Variants in LRCH1 observed in about 807,000 individuals in gnomAD.
The protein encoded by LRCH1 is leucine rich repeats and calponin homology domain containing 1.
LRCH1 carries 23 observed loss-of-function variants against 94.9 expected under a neutral mutation model. The observed-to-expected ratio is 0.24, with a 90% CI of 0.17 to 0.34. The LOEUF (loss-of-function observed/expected upper bound fraction) is 0.34, where lower values mean the gene tolerates loss of function less well. Ranked by LOEUF, LRCH1 falls within the 10% of genes least tolerant of loss-of-function variation. The pLI, the probability that LRCH1 is intolerant of heterozygous loss-of-function variation, is 1.00. For missense variants in LRCH1, 790 were observed against 945.9 expected (o/e 0.84, Z 2.16); for synonymous variants, 364 against 354.9 (o/e 1.03, Z -0.29).
chr13:46,634,815 A>C (rs2051063297), intron 1 of LRCH1, among the ~76,000 whole-genome samples: 1 of 147,306 alleles, frequency 6.8e-6, no homozygotes, highest in Non-Finnish European at 1.5e-5. Context: ...TAAATGAGTG[A>C]GTAAGTGAGC....
intron 9 of LRCH1, among the ~76,000 whole-genome samples, chr13:46,697,488 C>T (rs1318713753): frequency 1.3e-5 from 2 of 152,204 alleles, no homozygotes; most frequent in African/African-American, 4.8e-5. Flanking sequence ...CTTCCTTGGG[C>T]TTCTGAACAC....
chr13:46,680,659 CA>C (rs1251478009), intron 3 of LRCH1, among the ~76,000 whole-genome samples: 2 of 152,204 alleles, frequency 1.3e-5, no homozygotes, highest in African/African-American at 4.8e-5. Flanking sequence ...GAAGCAGTAA[CA>C]TGGCTGGAGT....
intron 2 of LRCH1, among the ~76,000 whole-genome samples, chr13:46,658,762 T>G (rs1007888606): frequency 1.3e-5 from 2 of 152,326 alleles, no homozygotes; most frequent in East Asian, 3.9e-4. Flanking sequence ...ATTACAGGCG[T>G]GAGCCACCAC....
chr13:46,731,959 G>A (rs914526495), intron 18 of LRCH1, among the ~76,000 whole-genome samples: 2 of 152,154 alleles, frequency 1.3e-5, no homozygotes, highest in Admixed American at 6.5e-5. Context: ...TGACAACTAA[G>A]AACTATCCTG....
intron 13 of LRCH1, among the ~76,000 whole-genome samples, chr13:46,710,827 CA>C (rs1872024363): frequency 6.6e-6 from 1 of 152,066 alleles, no homozygotes; most frequent in Non-Finnish European, 1.5e-5. Flanking sequence ...TAGGGAGGAT[CA>C]GGGGGTTCTT....
Position 46,553,356 on chromosome 13 carries a change from C to G in LRCH1, c.-41C>G, listed in dbSNP as rs985992264. ...CCTCGCGGGGAACGCTGTGACCCCC[C>G]CGCAGGAGCGGCGGGGCGGGGTGGG... is the stretch of plus-strand genomic sequence containing the variant. On this transcript the variant is annotated 5_prime_UTR_variant, in exon 1 of 20. Transcript: ENST00000389797. The G allele has an allele frequency of 6.7e-6, 10 of 1,493,426 alleles. No individual in the cohort carries two copies. Among genetic ancestry groups the G allele is most frequent in the Admixed American group, 2.1e-5 (1 of 47,876 alleles). 92.5% of individuals were successfully genotyped at this position (1,493,426 alleles called of 1,614,324 possible). A position where few individuals can be genotyped will look rare whatever the true frequency, so the allele number is the denominator to read the frequency against.
At position 46,686,058 on chromosome 13, in the gene LRCH1, C is replaced by T. The variant is rs753394687; in HGVS notation, c.822+17C>T. The T allele has an allele frequency of 6.5e-7, 1 of 1,536,148 alleles. No individual in the cohort carries two copies. The highest frequency in any genetic ancestry group is 1.3e-5 in the South Asian group (1 of 74,654). The stretch of plus-strand genomic sequence containing the variant: ...CCAGCACAGGTGAGGGGTCTTGCAG[C>T]AAAGCCAATGCCCCATGGGATGTGC... On this transcript the variant is annotated intron_variant, in intron 5 of 19. Transcript: ENST00000389797.
chr13:46,639,345 G>A (rs969654829), intron 1 of LRCH1, among the ~76,000 whole-genome samples: 1 of 151,992 alleles, frequency 6.6e-6, no homozygotes, highest in African/African-American at 2.4e-5. Flanking sequence ...AGCATCCTTG[G>A]GATTCATTTT....
intron 3 of LRCH1, among the ~76,000 whole-genome samples, chr13:46,679,113 C>T (rs1465785052): frequency 6.6e-6 from 1 of 152,224 alleles, no homozygotes; most frequent in African/African-American, 2.4e-5. Context: ...ATGCCAATAA[C>T]GTCCATTTTC....
intron 3 of LRCH1, chr13:46,679,779 A>C (rs2051726665): frequency 6.6e-6 from 1 of 152,298 alleles, no homozygotes; most frequent in Admixed American, 6.5e-5. Context: ...GTGCACACTC[A>C]GCCTTTATAG....
chr13:46,738,846 C>G (rs924513981), intron 19 of LRCH1, among the ~76,000 whole-genome samples: 3 of 152,128 alleles, frequency 2.0e-5, no homozygotes, highest in African/African-American at 7.2e-5. Flanking sequence ...AACTAATTTC[C>G]AAGCTATTCC....
intron 3 of LRCH1, among the ~76,000 whole-genome samples, chr13:46,672,795 A>T (rs1485258837): frequency 2.0e-5 from 3 of 152,182 alleles, no homozygotes; most frequent in Non-Finnish European, 4.4e-5. Flanking sequence ...AGGTTCTAGG[A>T]TCTTAGAGTG....
intron 1 of LRCH1, among the ~76,000 whole-genome samples, chr13:46,581,699 C>T (rs1039955905): frequency 5.9e-5 from 9 of 152,162 alleles, no homozygotes; most frequent in African/African-American, 4.8e-5. Context: ...TAATGTCCTT[C>T]GCCACTTTAT....
At chr13:46,707,772 A>G (rs889655791) in intron 13 of LRCH1, among the ~76,000 whole-genome samples, 1 of 152,236 alleles carries the variant, frequency 6.6e-6, no homozygotes, top group Non-Finnish European at 1.5e-5. Context: ...TGTATATTAC[A>G]TAAGTTATCG....
chr13:46,680,933 G>T (rs1469288536), intron 3 of LRCH1, among the ~76,000 whole-genome samples: 1 of 152,208 alleles, frequency 6.6e-6, no homozygotes, highest in East Asian at 1.9e-4. Flanking sequence ...TACACTGCAG[G>T]AGTAGCTGGG....
At chr13:46,706,282 C>T (rs951286092) in intron 13 of LRCH1, among the ~76,000 whole-genome samples, 5 of 152,180 alleles carry the variant, frequency 3.3e-5, no homozygotes, top group Admixed American at 1.3e-4. Context: ...GATCATAATA[C>T]TACCTATTGT....
At chr13:46,610,275 A>C (rs1342811059) in intron 1 of LRCH1, among the ~76,000 whole-genome samples, 1 of 152,124 alleles carries the variant, frequency 6.6e-6, no homozygotes, top group East Asian at 1.9e-4. Flanking sequence ...ATGTGATCGT[A>C]TACATTTTTT....
At chr13:46,721,920 GAGA>G (rs1172748305) in intron 16 of LRCH1, among the ~76,000 whole-genome samples, 3 of 152,242 alleles carry the variant, frequency 2.0e-5, no homozygotes, top group Non-Finnish European at 4.4e-5. Context: ...ACTGAGATGT[GAGA>G]AGGAGAATGC....
At chr13:46,573,101 T>C (rs1016269169) in intron 1 of LRCH1, among the ~76,000 whole-genome samples, 1 of 152,230 alleles carries the variant, frequency 6.6e-6, no homozygotes, top group Admixed American at 6.5e-5. Flanking sequence ...TCAATACATG[T>C]TAACTCTTAT....
Sources: gnomAD v4.1 joint callset for allele counts (sites outside exome capture counted in the v4.1 genomes callset) on GRCh38, gnomAD v4.1.1 for gene constraint, MANE v1.5 for transcripts, NCBI Gene and HGNC (gene_info 2026-07-23, HGNC 2026-07-21) for gene names.